EPHA3: variants seen among roughly 807,000 people sequenced by gnomAD.
The protein encoded by EPHA3 is EPH receptor A3.
Under a neutral mutation model 107.1 loss-of-function variants are expected in EPHA3, and 42 were observed. The observed-to-expected ratio is 0.39, with a 90% CI of 0.31 to 0.51. EPHA3 has a LOEUF of 0.51. Among genes scored for constraint, EPHA3 ranks in the 20% least tolerant of loss-of-function variants. The pLI is 0.78. For synonymous variants in EPHA3, 461 were observed against 424.8 expected, an observed-to-expected ratio of 1.09 and a Z score of -1.05; for missense variants, 1,183 against 1,211.2, an observed-to-expected ratio of 0.98 and a Z score of 0.35.
chr3:89,364,115 T>G (rs1470315379), intron 5 of EPHA3, among the ~76,000 whole-genome samples: 1 of 150,800 alleles, frequency 6.6e-6, no homozygotes, highest in African/African-American at 2.4e-5. Flanking sequence ...TCAGGAATAG[T>G]GTCAGGCCTA....
intron 3 of EPHA3, among the ~76,000 whole-genome samples, chr3:89,252,456 G>A (rs1362172588): frequency 2.6e-5 from 4 of 152,090 alleles, no homozygotes; most frequent in African/African-American, 9.7e-5. Flanking sequence ...AACTATTTGG[G>A]GCCAGATACA....
chr3:89,140,963 C>T (rs9839323), intron 2 of EPHA3, among the ~76,000 whole-genome samples: 1 of 151,470 alleles, frequency 6.6e-6, no homozygotes, highest in East Asian at 1.9e-4. Flanking sequence ...TTCGATATAT[C>T]ATTTCATTTA....
chr3:89,412,694 A>G (rs1238535581), intron 9 of EPHA3, among the ~76,000 whole-genome samples: 1 of 151,706 alleles, frequency 6.6e-6, no homozygotes, highest in African/African-American at 2.4e-5. Context: ...CCATTATCTC[A>G]CCTTATAATT....
intron 12 of EPHA3, among the ~76,000 whole-genome samples, chr3:89,429,700 A>G (rs1481600073): frequency 5.5e-5 from 3 of 54,422 alleles, no homozygotes; most frequent in African/African-American, 1.3e-4. Context: ...TCTATCATCT[A>G]TCTATCTATC....
chr3:89,150,521 A>T (rs112229916), intron 2 of EPHA3, among the ~76,000 whole-genome samples: 2,034 of 152,136 alleles, frequency 0.013, 43 homozygotes, highest in African/African-American at 0.043. Context: ...AATAGCTAAT[A>T]TCCTTCATTT....
intron 3 of EPHA3, among the ~76,000 whole-genome samples, chr3:89,268,997 A>G (rs1409590661): frequency 6.6e-6 from 1 of 152,048 alleles, no homozygotes; most frequent in Non-Finnish European, 1.5e-5. Flanking sequence ...CATGGGCATT[A>G]GTTAGAATTT....
At position 89,209,896 on chromosome 3, in the gene EPHA3, C is replaced by T. The variant is rs2107180735; in HGVS notation, c.190C>T (p.Pro64Ser). The T allele has an allele frequency of 6.2e-7, 1 of 1,611,426 alleles. No individual in the cohort carries two copies. Among genetic ancestry groups the T allele is most frequent in the Non-Finnish European group, 8.5e-7 (1 of 1,178,722 alleles). The change falls in exon 3 of 17, where the codon CCC (proline) becomes TCC (serine). Residue 64 changes from proline to serine, a missense_variant. Transcript: ENST00000336596. ...CAGTGGTGTGGATGAACATTACACACCCATCAGGACTTACCAGGTGTGCAA... is the reference window on the plus strand; with the variant it reads ...CAGTGGTGTGGATGAACATTACACATCCATCAGGACTTACCAGGTGTGCAA... The part of the protein sequence containing the change: ...EISGVDEHYT[P>S]IRTYQVCNVM...
chr3:89,362,482 G>A (rs78268844), intron 5 of EPHA3, among the ~76,000 whole-genome samples: 4,066 of 151,062 alleles, frequency 0.027, 215 homozygotes, highest in African/African-American at 0.092. Flanking sequence ...AGAGCCCTTC[G>A]TCTTAAATGC....
intron 3 of EPHA3, among the ~76,000 whole-genome samples, chr3:89,243,353 T>G (rs1413072685): frequency 6.6e-6 from 1 of 152,184 alleles, no homozygotes; most frequent in East Asian, 1.9e-4. Flanking sequence ...ATGGTTGAAC[T>G]AGTTTACAGT....
intron 5 of EPHA3, among the ~76,000 whole-genome samples, chr3:89,342,858 T>TACACACACACACACACAC (rs144807058): frequency 7.2e-6 from 1 of 139,218 alleles, no homozygotes; most frequent in Non-Finnish European, 1.6e-5. Flanking sequence ...TTTTTACACA[T>TACACACACACACACACAC]ACACACACAC....
intron 5 of EPHA3, among the ~76,000 whole-genome samples, chr3:89,359,890 C>G (rs938735278): frequency 6.8e-6 from 1 of 147,320 alleles, no homozygotes; most frequent in Non-Finnish European, 1.5e-5. Context: ...AATTGTTGCC[C>G]ACATTCAAAA....
intron 5 of EPHA3, among the ~76,000 whole-genome samples, chr3:89,391,383 T>TTTTC (rs1274173060): frequency 2.9e-4 from 24 of 82,272 alleles, no homozygotes; most frequent in Non-Finnish European, 5.2e-4. Flanking sequence ...ATTTGTATTT[T>TTTTC]TTTCTTTTCT....
chr3:89,361,108 T>C (rs1245757499), intron 5 of EPHA3, among the ~76,000 whole-genome samples: 1 of 151,032 alleles, frequency 6.6e-6, no homozygotes, highest in African/African-American at 2.4e-5. Context: ...TTCAGAATTT[T>C]ACCTAGAGTG....
At chr3:89,473,175 G>A (rs185639935) in intron 16 of EPHA3, among the ~76,000 whole-genome samples, 6 of 152,220 alleles carry the variant, frequency 3.9e-5, no homozygotes, top group Admixed American at 2.6e-4. Context: ...GTTATAATTA[G>A]GTTTAAGATA....
At chr3:89,421,874 A>G (rs924642604) in intron 11 of EPHA3, among the ~76,000 whole-genome samples, 1 of 151,300 alleles carries the variant, frequency 6.6e-6, no homozygotes, top group African/African-American at 2.4e-5. Context: ...AATGACTTTT[A>G]AAAATTGCAG....
At chr3:89,205,453 G>A (rs1295976238) in intron 2 of EPHA3, among the ~76,000 whole-genome samples, 2 of 152,118 alleles carry the variant, frequency 1.3e-5, no homozygotes, top group Admixed American at 6.5e-5. Context: ...ATGATGGAGA[G>A]GTTTGGTGTG....
chr3:89,397,154 A>C (rs1315591798), intron 6 of EPHA3, among the ~76,000 whole-genome samples: 4 of 152,174 alleles, frequency 2.6e-5, no homozygotes, highest in Non-Finnish European at 5.9e-5. Flanking sequence ...TCTCTAGTAT[A>C]ATGTCATTTT....
chr3:89,208,098 G>T (rs532761158), intron 2 of EPHA3, among the ~76,000 whole-genome samples: 1 of 152,084 alleles, frequency 6.6e-6, no homozygotes, highest in Admixed American at 6.5e-5. Flanking sequence ...TTCCAGATGG[G>T]CACAGTGGCT....
chr3:89,112,668 G>A (rs1308584793), intron 1 of EPHA3, among the ~76,000 whole-genome samples: 1 of 150,506 alleles, frequency 6.6e-6, no homozygotes, highest in Non-Finnish European at 1.5e-5. Flanking sequence ...GTTCTTGAAA[G>A]TTACATTTTC....
Sources: gnomAD v4.1 joint callset for allele counts (sites outside exome capture counted in the v4.1 genomes callset) on GRCh38, gnomAD v4.1.1 for gene constraint, MANE v1.5 for transcripts, NCBI Gene and HGNC (gene_info 2026-07-23, HGNC 2026-07-21) for gene names.